Variants in NKD2 observed in about 807,000 individuals in gnomAD.
NKD2 encodes NKD inhibitor of Wnt signaling pathway 2, also known as protein naked cuticle homolog 2.
NKD2 carries 43 observed loss-of-function variants against 34.8 expected under a neutral mutation model. The ratio of observed to expected loss-of-function variants is 1.24; its 90% CI spans 0.97 to 1.60. NKD2 has a LOEUF of 1.60. NKD2 is among the 40% of genes most tolerant of loss of function. The pLI, the probability that NKD2 is intolerant of heterozygous loss-of-function variation, is 0.00. For synonymous variants in NKD2, 278 were observed against 265.1 expected, an observed-to-expected ratio of 1.05 and a Z score of -0.47; for missense variants, 675 against 627.1, an observed-to-expected ratio of 1.08 and a Z score of -0.82.
At chr5:1,035,318 ATGAG>A (rs1217940625) in intron 7 of NKD2, 67 bp from the exon 8 acceptor site, 139 of 1,177,130 alleles carry the variant, frequency 1.2e-4, no homozygotes, top group Admixed American at 6.6e-4. Context: ...GAGTTAATGA[ATGAG>A]TGAATGAATG....
chr5:1,021,288 C>T (rs1039695318), intron 3 of NKD2, among the ~76,000 whole-genome samples: 1 of 151,814 alleles, frequency 6.6e-6, no homozygotes, highest in African/African-American at 2.4e-5. Flanking sequence ...ATGTGGGAAG[C>T]CCGGCTCCCC....
rs770286639 is a variant in NKD2, at chr5:1,038,135, C to G, written c.1118C>G (p.Pro373Arg). 2 of 1,588,952 alleles carry G rather than the reference C, an allele frequency of 1.3e-6. No homozygotes were observed. The highest frequency in any genetic ancestry group is 1.1e-5 in the South Asian group (1 of 88,686). ...GCCCCTCAGGACGGCCACCACCTCC[C>G]GCAGCCCCCACCGCCACCCTACGGC... ...PQAPQDGHHL[P>R]QPPPPPYGHK... is the part of the protein sequence containing the mutation. Residue 373 changes from proline to arginine, a missense_variant, in exon 10 of 10, where the codon CCG (proline) becomes CGG (arginine). Pro to Arg is a moderately radical substitution (Grantham distance 103). Coordinates refer to ENST00000296849, the MANE Select transcript of NKD2 (RefSeq NM_033120.4). This position sits in a 1 kb window ranked among gnomAD's most constrained non-coding sequence, Gnocchi z 4.5.
At chr5:1,018,733 C>A (rs561757278) in intron 3 of NKD2, among the ~76,000 whole-genome samples, 1 of 152,150 alleles carries the variant, frequency 6.6e-6, no homozygotes, top group Non-Finnish European at 1.5e-5. Context: ...GTGGTCAGGA[C>A]CCTGCCAGGC....
Position 1,038,435 on chromosome 5 carries a change from C to G in NKD2, c.*62C>G. ...CAGCCCGCGACCTCAGGGCAGGGAG[C>G]AGAGCAGCTGCCGGCTGTGTGCCCA... On this transcript the variant is annotated 3_prime_UTR_variant, in exon 10 of 10. Transcript: ENST00000296849. The surrounding 1 kb of genome is among the most constrained non-coding windows in gnomAD (Gnocchi z 4.5). 6.5e-7 allele frequency: 1 copy of G among 1,535,616 alleles called. No homozygotes were observed. The highest frequency in any genetic ancestry group is 1.2e-5 in the South Asian group (1 of 84,036).
At position 1,026,038 on chromosome 5, in the gene NKD2, C is replaced by T. The variant is rs868572754; in HGVS notation, c.142-6114C>T. On this transcript the variant is annotated intron_variant, in intron 3 of 9. Coordinates refer to ENST00000296849, the MANE Select transcript of NKD2 (RefSeq NM_033120.4). ...CCCTGCTCTTCCCACCCTCTGTGGGCGTCCCAGCCCATTGTCCCTGCTCTT... is the reference window on the plus strand; with the variant it reads ...CCCTGCTCTTCCCACCCTCTGTGGGTGTCCCAGCCCATTGTCCCTGCTCTT... Among the ~76,000 whole-genome samples, 41 of 37,916 alleles carry T rather than the reference C, an allele frequency of 1.1e-3. 1 individual carries two copies. The highest frequency in any genetic ancestry group is 0.028 in the Middle Eastern group (1 of 36). The allele number at this position is 37,916 out of a possible 152,430, so 24.9% of individuals were successfully genotyped here.
chr5:1,029,708 C>T (rs916944160), intron 3 of NKD2, among the ~76,000 whole-genome samples: 4 of 152,174 alleles, frequency 2.6e-5, no homozygotes, highest in Admixed American at 1.3e-4. Flanking sequence ...AAAAATACTC[C>T]ACCCCGTCCA....
intron 3 of NKD2, among the ~76,000 whole-genome samples, chr5:1,012,107 C>T (rs1315135334): frequency 1.3e-5 from 2 of 152,244 alleles, no homozygotes; most frequent in Non-Finnish European, 2.9e-5. Context: ...GAACAGGCTG[C>T]CCCTGCACAC....
At chr5:1,010,652 G>A (rs969846636) in intron 3 of NKD2, among the ~76,000 whole-genome samples, 4 of 152,200 alleles carry the variant, frequency 2.6e-5, no homozygotes, top group African/African-American at 7.2e-5. Context: ...CCGGGACAGG[G>A]AGACCAGGGT....
intron 3 of NKD2, among the ~76,000 whole-genome samples, chr5:1,023,293 C>T (rs71593371): frequency 1.1e-4 from 4 of 35,200 alleles, no homozygotes; most frequent in African/African-American, 2.7e-4. Flanking sequence ...TGTGGGCGTC[C>T]CAGCCCGTTG....
chr5:1,009,516 C>G lies in NKD2; in HGVS notation c.97C>G (p.Arg33Gly), dbSNP rs1463986206. ...CGTGGCGTCCGCGTACGCGAGCGGC[C>G]GCAAAGGCGCGGAGGAAGCGGAGCG... ...SFVASAYASG[R>G]KGAEEAERRA... is the part of the protein sequence containing the mutation. The change falls in exon 3 of 10, where the codon CGC (arginine) becomes GGC (glycine). Residue 33 changes from arginine (R) to glycine (G), a missense_variant. Transcript: ENST00000296849. The surrounding 1 kb of genome is among the most constrained non-coding windows in gnomAD (Gnocchi z 6.9). The G allele has an allele frequency of 6.7e-7, 1 of 1,496,708 alleles. No homozygotes were observed. The highest frequency in any genetic ancestry group is 1.2e-5 in the South Asian group (1 of 80,034). 92.7% of individuals were successfully genotyped at this position (1,496,708 alleles called of 1,614,324 possible). A position where few individuals can be genotyped will look rare whatever the true frequency, so the allele number is the denominator to read the frequency against.
At chr5:1,018,870 A>G (rs1756062154) in intron 3 of NKD2, among the ~76,000 whole-genome samples, 1 of 152,084 alleles carries the variant, frequency 6.6e-6, no homozygotes. Context: ...AGAGAGTGTC[A>G]CAAGCTGGGC....
At chr5:1,035,718 CACCCTCAGTCTGG>C in intron 8 of NKD2, 2 of 545,446 alleles carry the variant, frequency 3.7e-6, no homozygotes, top group African/African-American at 3.8e-5. Context: ...GCGGCCTTGA[CACCCTCAGTCTGG>C]ACTTGCTGTG....
In NKD2 at chr5:1,032,223, C is replaced by A; in HGVS notation, c.202+11C>A. Reference sequence around the variant, plus strand: ...AGTGTCCCCTACAGGGTGAGTGCAGCTCCCGCAGCCCTCCCTCCCCAAACT... The same window carrying A: ...AGTGTCCCCTACAGGGTGAGTGCAGATCCCGCAGCCCTCCCTCCCCAAACT... On this transcript the variant is annotated intron_variant, in intron 4 of 9. Transcript: ENST00000296849. The A allele has an allele frequency of 6.2e-7, 1 of 1,602,860 alleles. No homozygotes were observed. Among genetic ancestry groups the A allele is most frequent in the South Asian group, 1.1e-5 (1 of 90,536 alleles).
chr5:1,029,450 C>T (rs1002666612), intron 3 of NKD2, among the ~76,000 whole-genome samples: 2 of 152,138 alleles, frequency 1.3e-5, no homozygotes, highest in African/African-American at 4.8e-5. Context: ...GGAGCGTTTC[C>T]AGACATCAAA....
At chr5:1,017,178 C>A (rs1385608258) in intron 3 of NKD2, among the ~76,000 whole-genome samples, 1 of 152,218 alleles carries the variant, frequency 6.6e-6, no homozygotes, top group Non-Finnish European at 1.5e-5. Context: ...TCCCTGCTGC[C>A]CCGGGGACGT....
At position 1,009,016 on chromosome 5, in the gene NKD2, C is replaced by T. The variant is rs1755635797; in HGVS notation, c.-42C>T. The T allele has an allele frequency of 4.5e-6, 2 of 445,698 alleles. No individual in the cohort carries two copies. The highest frequency in any genetic ancestry group is 7.9e-6 in the Non-Finnish European group (2 of 254,456). 27.6% of individuals were successfully genotyped at this position (445,698 alleles called of 1,614,324 possible). ...CCCGGCCCCGGCTTCAGAACTCAGCCCTGCACCTGAGCGCGGGGCCCGGCG... is the reference window on the plus strand; with the variant it reads ...CCCGGCCCCGGCTTCAGAACTCAGCTCTGCACCTGAGCGCGGGGCCCGGCG... On this transcript the variant is annotated 5_prime_UTR_variant, in exon 1 of 10. Transcript: ENST00000296849. This position sits in a 1 kb window ranked among gnomAD's most constrained non-coding sequence, Gnocchi z 6.9.
chr5:1,011,186 A>G lies in NKD2; in HGVS notation c.141+1626A>G, dbSNP rs2150723644. On this transcript the variant is annotated intron_variant, in intron 3 of 9. Transcript: ENST00000296849. Reference sequence around the variant, plus strand: ...GTTAAAATGAACAAACTCAGAATCAAAGGCTGTCCTGTGAATTAAATACAT... The same window carrying G: ...GTTAAAATGAACAAACTCAGAATCAGAGGCTGTCCTGTGAATTAAATACAT... Among the ~76,000 whole-genome samples the G allele has an allele frequency of 2.6e-5, 4 of 152,352 alleles. No homozygotes were observed. The South Asian group carries it at 8.3e-4, about 32-fold the overall frequency.
intron 3 of NKD2, among the ~76,000 whole-genome samples, chr5:1,030,777 T>C (rs1369426933): frequency 6.6e-6 from 1 of 152,114 alleles, no homozygotes; most frequent in Non-Finnish European, 1.5e-5. Context: ...AGCTGTTTTG[T>C]TTCTTATTAA....
Position 1,036,539 on chromosome 5 carries a change from G to A in NKD2, c.787+155G>A, listed in dbSNP as rs570860920. On this transcript the variant is annotated intron_variant, in intron 9 of 9. Coordinates refer to ENST00000296849, the MANE Select transcript of NKD2 (RefSeq NM_033120.4). Reference sequence around the variant, plus strand: ...CCCACCCCACCCAGGACGGCACCCAGGTCCTTCCACAGCTACCTGTTGGTC... The same window carrying A: ...CCCACCCCACCCAGGACGGCACCCAAGTCCTTCCACAGCTACCTGTTGGTC... 6.5e-5 allele frequency among the ~76,000 whole-genome samples: 8 copies of A among 123,882 alleles called. No individual in the cohort carries two copies. The South Asian group carries it at 2.4e-3, about 36-fold the overall frequency. 81.3% of individuals were successfully genotyped at this position (123,882 alleles called of 152,430 possible).
Sources: allele counts gnomAD v4.1 joint callset (sites outside exome capture counted in the v4.1 genomes callset), GRCh38; gene constraint gnomAD v4.1.1; non-coding constraint Gnocchi (gnomAD v3.1); transcripts MANE v1.5; gene names NCBI Gene and HGNC (gene_info 2026-07-23, HGNC 2026-07-21).